The following PTCH1 variants were observed in gnomAD, a reference collection of about 807,000 sequenced individuals.
The protein encoded by PTCH1 is patched 1, also known as protein patched homolog 1.
Under a neutral mutation model 144.6 loss-of-function variants are expected in PTCH1, and 14 were observed. That is an observed-to-expected ratio of 0.10 (90% CI 0.06 to 0.15). PTCH1 has a LOEUF of 0.15. PTCH1 is among the 10% of genes least tolerant of loss of function. The probability of loss-of-function intolerance (pLI) is 1.00; values close to 1 mark genes in which losing one functional copy is unlikely to be tolerated. For synonymous variants in PTCH1, 833 were observed against 793.6 expected (o/e 1.05, Z -0.83); for missense variants, 1,623 against 1,948.3 (o/e 0.83, Z 3.14).
rs896779358 is a variant in PTCH1 at position 95,447,292 on chromosome 9, C to T, written c.3964G>A (p.Ala1322Thr). The T allele has an allele frequency of 2.5e-6, 4 of 1,613,058 alleles. No homozygotes were observed. Among genetic ancestry groups the T allele is most frequent in the Admixed American group, 1.7e-5 (1 of 60,030 alleles). ...TGCCCTTCAGTAGAAATTTCAAAAG[C>T]GTCTCTGCGCGGTCTGTAGGGGGGT... ...WPPPYRPRRDAFEISTEGHSG... is the reference protein window; with the variant it reads ...WPPPYRPRRDTFEISTEGHSG... Residue 1322 changes from alanine to threonine, a missense_variant, in exon 23 of 24, where the codon GCT (alanine) becomes ACT (threonine). Physicochemically the swap from Ala to Thr is moderately conservative, Grantham distance 58. Around this residue, in one of 7 missense-constraint regions of PTCH1, gnomAD observed 291 missense variants for 287.4 expected, o/e 1.01. Transcript: ENST00000331920.
rs1409815945 is a variant in PTCH1 at position 95,459,482 on chromosome 9, T to C, written c.2887+118A>G. The C allele has an allele frequency of 2.4e-6, 3 of 1,256,148 alleles. No homozygotes were observed. In the African/African-American group the frequency reaches 4.5e-5, roughly 19 times the overall value. The allele number at this position is 1,256,148 out of a possible 1,614,324, so 77.8% of individuals were successfully genotyped here. ...GTTTTAAACGAGAAGAAATAGATTGTTCTGTTTACACTTCTGAACCCTGGG... is the reference window on the plus strand; with the variant it reads ...GTTTTAAACGAGAAGAAATAGATTGCTCTGTTTACACTTCTGAACCCTGGG... On this transcript the variant is annotated intron_variant, in intron 17 of 23. Coordinates refer to ENST00000331920, the MANE Select transcript of PTCH1 (RefSeq NM_000264.5).
At chr9:95,468,349 A>T (rs1029992208) in intron 14 of PTCH1, among the ~76,000 whole-genome samples, 2 of 152,008 alleles carry the variant, frequency 1.3e-5, no homozygotes, top group Non-Finnish European at 2.9e-5. Flanking sequence ...GAGCCACCAC[A>T]CCTGTCCCTG....
intron 12 of PTCH1, among the ~76,000 whole-genome samples, chr9:95,472,962 C>T (rs927827611): frequency 1.3e-5 from 2 of 152,206 alleles, no homozygotes; most frequent in African/African-American, 4.8e-5. Context: ...AGTTATTGTA[C>T]TCATAGGAAA....
chr9:95,469,130 T>C lies in PTCH1; in HGVS notation c.1871A>G (p.Gln624Arg), dbSNP rs1840322792. Residue 624 changes from glutamine (Q) to arginine (R), a missense_variant, in exon 14 of 24, where the codon CAG (glutamine) becomes CGG (arginine). Coordinates refer to ENST00000331920, the MANE Select transcript of PTCH1 (RefSeq NM_000264.5). Reference protein sequence around the residue: ...FTSPCVSRVIQVEPQAYTDTH... With the variant: ...FTSPCVSRVIRVEPQAYTDTH... ...GTCGGTGTAGGCCTGAGGTTCAACC[T>C]GAATCACTCTGCTGACGCAGGGGCT... 5.6e-6 allele frequency: 9 copies of C among 1,614,106 alleles called. No homozygotes were observed. Among genetic ancestry groups the C allele is most frequent in the Non-Finnish European group, 7.6e-6 (9 of 1,180,022 alleles).
rs376678753 is a variant in PTCH1 at position 95,468,990 on chromosome 9, G to C, written c.2011C>G (p.His671Asp). 3.1e-6 allele frequency: 5 copies of C among 1,614,048 alleles called. No homozygotes were observed. The highest frequency in any genetic ancestry group is 4.2e-6 in the Non-Finnish European group (5 of 1,180,030). ...GCGGTGGTGTAGTACACGTGCGTGT[G>C]GGGGTCGTACTCCGTGCGGAGCTGG... The part of the protein sequence containing the change: ...TVQLRTEYDP[H>D]THVYYTTAEP... The change falls in exon 14 of 24, where the codon CAC becomes GAC. Residue 671 changes from histidine to aspartate, a missense_variant. By Grantham distance (81) the His-to-Asp change is moderately conservative. Around this residue, in one of 7 missense-constraint regions of PTCH1, gnomAD observed 179 missense variants for 165.7 expected, o/e 1.08. Coordinates refer to ENST00000331920, the MANE Select transcript of PTCH1 (RefSeq NM_000264.5).
intron 20 of PTCH1, chr9:95,452,645 C>T (rs972847491): frequency 3.9e-5 from 6 of 152,152 alleles, no homozygotes; most frequent in Admixed American, 6.5e-5. Context: ...CAACTGGAAA[C>T]GACTTGCCTT....
At chr9:95,463,105 G>T (rs1406561123) in intron 15 of PTCH1, among the ~76,000 whole-genome samples, 1 of 151,736 alleles carries the variant, frequency 6.6e-6, no homozygotes, top group African/African-American at 2.4e-5. Flanking sequence ...GGTTGGACAC[G>T]GCTAGTAAGA....
chr9:95,475,478 G>A (rs1840946494), intron 12 of PTCH1, among the ~76,000 whole-genome samples: 1 of 152,054 alleles, frequency 6.6e-6, no homozygotes, highest in African/African-American at 2.4e-5. Flanking sequence ...GGAAAGAAAG[G>A]GCCCACCGAG....
chr9:95,484,828 C>T (rs907397517), intron 3 of PTCH1, among the ~76,000 whole-genome samples: 5 of 152,150 alleles, frequency 3.3e-5, no homozygotes, highest in African/African-American at 7.2e-5. Flanking sequence ...GAAAAAGGAC[C>T]GAGTTTTGAA....
At chr9:95,494,620 T>C (rs1842668300) in intron 2 of PTCH1, among the ~76,000 whole-genome samples, 2 of 152,150 alleles carry the variant, frequency 1.3e-5, no homozygotes, top group South Asian at 4.1e-4. Flanking sequence ...CCAGGTCCCG[T>C]CGCTCTGCAG....
chr9:95,500,495 G>A (rs1185520694), intron 2 of PTCH1, among the ~76,000 whole-genome samples: 1 of 152,218 alleles, frequency 6.6e-6, no homozygotes, highest in Non-Finnish European at 1.5e-5. Flanking sequence ...GGTCCAGGGA[G>A]CAGAAAGGAG....
At chr9:95,490,173 T>C (rs2118627799) in intron 2 of PTCH1, among the ~76,000 whole-genome samples, 1 of 150,916 alleles carries the variant, frequency 6.6e-6, no homozygotes, top group East Asian at 2.0e-4. Flanking sequence ...AATGAAAGAG[T>C]ATAATTAAAA....
chr9:95,485,776 C>T lies in PTCH1; in HGVS notation c.493G>A (p.Glu165Lys), dbSNP rs371982458. Reference protein sequence around the residue: ...PQLMIQTPKEEGANVLTTEAL... With the variant: ...PQLMIQTPKEKGANVLTTEAL... ...TCTGTGGTCAGGACATTAGCACCTT[C>T]TTCTTTAGGGGTCTGTATCATGAGT... Residue 165 changes from glutamate (E) to lysine (K), a missense_variant, in exon 3 of 24, where the codon GAA (glutamate) becomes AAA (lysine). By Grantham distance (56) the Glu-to-Lys change is moderately conservative. This residue lies in a region of PTCH1 where 245 missense variants were observed against 240.6 expected (regional missense o/e 1.02). Coordinates refer to ENST00000331920, the MANE Select transcript of PTCH1 (RefSeq NM_000264.5). 6.2e-7 allele frequency: 1 copy of T among 1,614,096 alleles called. No homozygotes were observed. The highest frequency in any genetic ancestry group is 8.5e-7 in the Non-Finnish European group (1 of 1,180,056).
At chr9:95,492,317 T>A (rs1842468084) in intron 2 of PTCH1, among the ~76,000 whole-genome samples, 1 of 149,250 alleles carries the variant, frequency 6.7e-6, no homozygotes, top group Admixed American at 6.7e-5. Context: ...AATGTCGTGG[T>A]TTTTTTACTG....
At chr9:95,502,048 G>A (rs767595408) in intron 2 of PTCH1, among the ~76,000 whole-genome samples, 2 of 152,126 alleles carry the variant, frequency 1.3e-5, no homozygotes, top group African/African-American at 2.4e-5. Context: ...CCTGAGGGAC[G>A]AGCCCAGCTT....
intron 2 of PTCH1, among the ~76,000 whole-genome samples, chr9:95,489,902 G>A (rs1842250192): frequency 6.6e-6 from 1 of 150,876 alleles, no homozygotes; most frequent in African/African-American, 2.4e-5. Flanking sequence ...CAGGGTTCAC[G>A]CCATTCTCCT....
intron 3 of PTCH1, chr9:95,483,902 A>T (rs1268643579): frequency 6.6e-6 from 1 of 152,270 alleles, no homozygotes; most frequent in African/African-American, 2.4e-5. Context: ...TGCATTAGAA[A>T]AATGAATGGG....
rs867734563 is a variant in PTCH1, at chr9:95,478,041, G to A, written c.1347+14C>T. On this transcript the variant is annotated intron_variant, in intron 9 of 23. Transcript: ENST00000331920. ...CCAAACTCCAGCCCCCAGGAGCATG[G>A]CATCGAGCGTTACCATGAGTAAGTA... The A allele has an allele frequency of 1.9e-6, 3 of 1,614,176 alleles. No homozygotes were observed. The highest frequency in any genetic ancestry group is 2.5e-6 in the Non-Finnish European group (3 of 1,180,020).
In PTCH1 at chr9:95,489,057, A is replaced by G. The variant is rs1842192634; in HGVS notation, c.395-3183T>C. 1.3e-5 allele frequency among the ~76,000 whole-genome samples: 2 copies of G among 152,212 alleles called. 1 individual carries two copies. Among genetic ancestry groups the G allele is most frequent in the South Asian group, 4.1e-4 (2 of 4,830 alleles). On this transcript the variant is annotated intron_variant, in intron 2 of 23. Coordinates refer to ENST00000331920, the MANE Select transcript of PTCH1 (RefSeq NM_000264.5). ...CCTCTCGGGTATAACTGTGTCATAA[A>G]GTGCACGACACTCATATATTCTGAC...
Sources: allele counts gnomAD v4.1 joint callset (sites outside exome capture counted in the v4.1 genomes callset), GRCh38; gene constraint gnomAD v4.1.1; regional missense constraint gnomAD v4.1.1; transcripts MANE v1.5; gene names NCBI Gene and HGNC (gene_info 2026-07-23, HGNC 2026-07-21).